IQCJ: variants seen among roughly 807,000 people sequenced by gnomAD.
IQCJ encodes IQ domain-containing protein J.
In IQCJ, 9 loss-of-function variants were observed where a neutral mutation model predicts 11.0. The ratio of observed to expected loss-of-function variants is 0.82; its 90% CI spans 0.49 to 1.43. IQCJ has a LOEUF of 1.43. IQCJ is among the 40% of genes most tolerant of loss of function. IQCJ has a pLI of 0.00. For missense variants in IQCJ, 146 were observed against 133.2 expected (o/e 1.10, Z -0.47); for synonymous variants, 55 against 51.3 (o/e 1.07, Z -0.31).
At chr3:159,184,942 T>C (rs1236240118) in intron 1 of IQCJ, among the ~76,000 whole-genome samples, 1 of 152,196 alleles carries the variant, frequency 6.6e-6, no homozygotes, top group East Asian at 1.9e-4. Flanking sequence ...AAAGAACCAC[T>C]AATTTTTGTA....
At chr3:159,163,309 C>A (rs1205240620) in intron 1 of IQCJ, among the ~76,000 whole-genome samples, 1 of 152,114 alleles carries the variant, frequency 6.6e-6, no homozygotes, top group Non-Finnish European at 1.5e-5. Context: ...ATAAACAGAA[C>A]CAAAGACAAA....
intron 1 of IQCJ, among the ~76,000 whole-genome samples, chr3:159,234,924 A>G (rs982718140): frequency 6.6e-6 from 1 of 152,228 alleles, no homozygotes; most frequent in African/African-American, 2.4e-5. Flanking sequence ...TGTTTGCTAC[A>G]CTACAACAAA....
intron 1 of IQCJ, among the ~76,000 whole-genome samples, chr3:159,079,951 G>C (rs1011814030): frequency 6.6e-6 from 1 of 151,994 alleles, no homozygotes; most frequent in Admixed American, 6.6e-5. Flanking sequence ...TTGTCTTCCA[G>C]TTAAATTTGC....
intron 1 of IQCJ, among the ~76,000 whole-genome samples, chr3:159,189,933 T>C (rs77139394): frequency 6.6e-6 from 1 of 152,236 alleles, no homozygotes; most frequent in Non-Finnish European, 1.5e-5. Context: ...TCTTCAAAAC[T>C]CACTCAGGAA....
intron 1 of IQCJ, among the ~76,000 whole-genome samples, chr3:159,188,845 A>G (rs1365921713): frequency 1.3e-5 from 2 of 152,154 alleles, no homozygotes; most frequent in African/African-American, 4.8e-5. Flanking sequence ...TTCGTTGAAT[A>G]ATAAAAGCTG....
At chr3:159,259,747 G>C (rs1394177746) in intron 3 of IQCJ, among the ~76,000 whole-genome samples, 1 of 152,148 alleles carries the variant, frequency 6.6e-6, no homozygotes, top group East Asian at 1.9e-4. Context: ...TAGCAATTTT[G>C]GGTAATAGCC....
intron 1 of IQCJ, among the ~76,000 whole-genome samples, chr3:159,189,659 A>T (rs893572921): frequency 6.6e-6 from 1 of 152,184 alleles, no homozygotes; most frequent in African/African-American, 2.4e-5. Flanking sequence ...GCCAAAGAAC[A>T]TTGGTGTTTA....
rs747475965 is a variant in IQCJ, at chr3:159,262,918, A to G, written c.*187A>G. 41 of 1,363,224 alleles carry G rather than the reference A, an allele frequency of 3.0e-5. No individual in the cohort carries two copies. The highest frequency in any genetic ancestry group is 3.9e-5 in the Non-Finnish European group (41 of 1,058,248). 84.4% of individuals were successfully genotyped at this position (1,363,224 alleles called of 1,614,324 possible). On this transcript the variant is annotated 3_prime_UTR_variant, in exon 4 of 4. Transcript: ENST00000397832. ...AGTCTGGAGAAAATAGATTGCATTT[A>G]TGTGTTCTCATTTCTCTATTATGGA... is the stretch of plus-strand genomic sequence containing the variant.
intron 1 of IQCJ, among the ~76,000 whole-genome samples, chr3:159,076,944 G>A (rs1292611919): frequency 1.3e-5 from 2 of 152,044 alleles, no homozygotes; most frequent in Non-Finnish European, 2.9e-5. Context: ...AATTATAGGA[G>A]ACTTAAGGTA....
At chr3:159,123,865 G>A (rs555632265) in intron 1 of IQCJ, among the ~76,000 whole-genome samples, 8 of 152,162 alleles carry the variant, frequency 5.3e-5, no homozygotes, top group South Asian at 4.2e-4. Context: ...CTAGATTTTC[G>A]CTCTGAGCTA....
At chr3:159,154,973 C>T (rs1010311374) in intron 1 of IQCJ, among the ~76,000 whole-genome samples, 13 of 152,052 alleles carry the variant, frequency 8.5e-5, no homozygotes, top group Non-Finnish European at 1.2e-4. Context: ...TTCCCACCCC[C>T]GCTTTCATCC....
intron 1 of IQCJ, among the ~76,000 whole-genome samples, chr3:159,158,658 T>A (rs1376965409): frequency 6.6e-6 from 1 of 152,226 alleles, no homozygotes; most frequent in South Asian, 2.1e-4. Context: ...CTAACCTCTA[T>A]GTGAAATGAA....
intron 1 of IQCJ, among the ~76,000 whole-genome samples, chr3:159,236,640 C>A (rs1039946256): frequency 4.6e-5 from 7 of 152,144 alleles, no homozygotes; most frequent in African/African-American, 1.7e-4. Flanking sequence ...TCATTTACAG[C>A]CACTGAGGTC....
At chr3:159,109,054 A>G (rs1718449984) in intron 1 of IQCJ, among the ~76,000 whole-genome samples, 1 of 152,194 alleles carries the variant, frequency 6.6e-6, no homozygotes. Flanking sequence ...AATTGCTCTC[A>G]ATTTACCAAT....
chr3:159,223,132 A>C (rs960522063), intron 1 of IQCJ, among the ~76,000 whole-genome samples: 2 of 152,154 alleles, frequency 1.3e-5, no homozygotes, highest in Non-Finnish European at 1.5e-5. Flanking sequence ...CAAACATCTA[A>C]GAACTTTAGG....
At chr3:159,111,398 A>G (rs1451553259) in intron 1 of IQCJ, among the ~76,000 whole-genome samples, 2 of 151,466 alleles carry the variant, frequency 1.3e-5, no homozygotes, top group Non-Finnish European at 2.9e-5. Flanking sequence ...GAAAATGATG[A>G]AAAAAAAACT....
Position 159,170,977 on chromosome 3 carries a change from A to G in IQCJ, c.10-74866A>G, listed in dbSNP as rs146587216. ...TTTAAATAACTTCTCCAGTTTCTTC[A>G]TGTACTTGTGGAAAATTTTCTCCTT... On this transcript the variant is annotated intron_variant, in intron 1 of 3. Coordinates refer to ENST00000397832, the MANE Select transcript of IQCJ (RefSeq NM_001042706.3). Among the ~76,000 whole-genome samples the G allele has an allele frequency of 3.3e-5, 5 of 152,164 alleles. No homozygotes were observed. In the East Asian group the frequency reaches 9.6e-4, roughly 29 times the overall value.
At chr3:159,213,352 G>C (rs1001716590) in intron 1 of IQCJ, among the ~76,000 whole-genome samples, 1 of 152,142 alleles carries the variant, frequency 6.6e-6, no homozygotes, top group Non-Finnish European at 1.5e-5. Context: ...AAACCATCTG[G>C]TTTTATTCTA....
chr3:159,084,766 GA>G (rs1024435775), intron 1 of IQCJ, among the ~76,000 whole-genome samples: 31 of 151,994 alleles, frequency 2.0e-4, no homozygotes, highest in Non-Finnish European at 4.3e-4. Flanking sequence ...GCAGAAACTA[GA>G]AAAACTCATG....
Sources: allele counts gnomAD v4.1 joint callset (sites outside exome capture counted in the v4.1 genomes callset), GRCh38; gene constraint gnomAD v4.1.1; transcripts MANE v1.5; gene names NCBI Gene and HGNC (gene_info 2026-07-23, HGNC 2026-07-21).